Variants in DBNDD1 observed in about 807,000 individuals in gnomAD.
DBNDD1 encodes dysbindin domain-containing protein 1.
In DBNDD1, 14 loss-of-function variants were observed where a neutral mutation model predicts 17.0. That is an observed-to-expected ratio of 0.82 (90% confidence interval 0.54 to 1.29). DBNDD1 has a LOEUF of 1.29. DBNDD1 is among the 50% of genes most tolerant of loss of function. The pLI is 0.00. For missense variants in DBNDD1, 221 were observed against 216.2 expected, an observed-to-expected ratio of 1.02 and a Z score of -0.14; for synonymous variants, 105 against 102.0, an observed-to-expected ratio of 1.03 and a Z score of -0.18.
intron 1 of DBNDD1, among the ~76,000 whole-genome samples, chr16:90,016,862 T>C (rs1567836704): frequency 1.3e-5 from 2 of 152,198 alleles, no homozygotes; most frequent in Non-Finnish European, 2.9e-5. Context: ...ATGAATATCA[T>C]AAAACTAAAT....
chr16:90,011,665 G>C (rs1047868552), intron 1 of DBNDD1: 9 of 455,082 alleles, frequency 2.0e-5, no homozygotes, highest in Admixed American at 1.9e-4. Flanking sequence ...CGGGGCTCTC[G>C]CGGAATCTGG....
chr16:90,011,694 C>T (rs1379239336), intron 1 of DBNDD1: 1 of 455,148 alleles, frequency 2.2e-6, no homozygotes, highest in African/African-American at 2.0e-5. Flanking sequence ...TTTCCACTGG[C>T]ATCTGGAATG....
intron 1 of DBNDD1, among the ~76,000 whole-genome samples, chr16:90,018,390 A>G (rs2035683685): frequency 6.6e-6 from 1 of 152,220 alleles, no homozygotes; most frequent in Non-Finnish European, 1.5e-5. Flanking sequence ...CGGGCTCCAG[A>G]GGATGCCACT....
intron 1 of DBNDD1, among the ~76,000 whole-genome samples, chr16:90,011,432 G>A (rs1055215679): frequency 6.6e-6 from 1 of 152,268 alleles, no homozygotes; most frequent in Admixed American, 6.5e-5. Context: ...AGGGCTGGGA[G>A]GTCCCCAGTG....
upstream of DBNDD1, chr16:90,019,638 C>G (rs1272212954): frequency 2.4e-6 from 1 of 424,352 alleles, no homozygotes; most frequent in Non-Finnish European, 4.1e-6. This position sits in a 1 kb window ranked among gnomAD's most constrained non-coding sequence, Gnocchi z 6.1. Context: ...CGACCCTTCC[C>G]TCGCGGGCCG....
At chr16:90,015,071 G>T (rs1311762720) in intron 1 of DBNDD1, among the ~76,000 whole-genome samples, 2 of 151,638 alleles carry the variant, frequency 1.3e-5, no homozygotes, top group African/African-American at 4.8e-5. Flanking sequence ...ATCTGTAGCT[G>T]ATGGTGTCAG....
chr16:90,010,004 C>A (rs2035520375), intron 1 of DBNDD1: 1 of 1,614,200 alleles, frequency 6.2e-7, no homozygotes, highest in South Asian at 1.1e-5. Flanking sequence ...TAGCCACCAA[C>A]CATGCCTCAC....
In DBNDD1 at chr16:90,005,423, C is replaced by G. The variant is rs1465669483; in HGVS notation, c.*912G>C. ...GAGCAGGGCCTGTCAGCCTCCTCTG[C>G]TGCTCCTGGACAGAGACCCACGGGG... On this transcript the variant is annotated 3_prime_UTR_variant, in exon 4 of 4. Transcript: ENST00000002501. 2 of 152,228 alleles carry G rather than the reference C, an allele frequency of 1.3e-5. No homozygotes were observed. The highest frequency in any genetic ancestry group is 4.8e-5 in the African/African-American group (2 of 41,440). The allele number at this position is 152,228 out of a possible 1,614,324, so 9.4% of individuals were successfully genotyped here.
At position 90,006,365 on chromosome 16, in the gene DBNDD1, A is replaced by T. The variant is rs1373956564; in HGVS notation, c.447T>A (p.Phe149Leu). 1 of 1,609,344 alleles carries T rather than the reference A, an allele frequency of 6.2e-7. No individual in the cohort carries two copies. The highest frequency in any genetic ancestry group is 1.1e-5 in the South Asian group (1 of 90,650). ...CCTCCTGGGGCCTCTCCACAGTGAG[A>T]AACGTGTCCAGGACTGTGGCCTGCC... ...PERQATVLDT[F>L]LTVERPQED is the part of the protein sequence containing the mutation. Residue 149 changes from phenylalanine (F) to leucine (L), a missense_variant, in exon 4 of 4, where the codon TTT (phenylalanine) becomes TTA (leucine). Phe to Leu is a conservative substitution (Grantham distance 22). Transcript: ENST00000002501.
intron 1 of DBNDD1, among the ~76,000 whole-genome samples, chr16:90,014,835 G>A (rs1223183290): frequency 5.9e-5 from 9 of 151,936 alleles, no homozygotes; most frequent in Admixed American, 3.3e-4. Context: ...GCGAAACCCC[G>A]TCTCTACTAA....
At chr16:90,016,080 A>G (rs2035636808) in intron 1 of DBNDD1, among the ~76,000 whole-genome samples, 1 of 152,214 alleles carries the variant, frequency 6.6e-6, no homozygotes, top group African/African-American at 2.4e-5. Context: ...CCGGGAGGAA[A>G]TGACAGAGAC....
At chr16:90,006,558 A>G (rs1398857879) in intron 3 of DBNDD1, 66 bp from the exon 4 acceptor site, 1 of 1,546,554 alleles carries the variant, frequency 6.5e-7, no homozygotes, top group Non-Finnish European at 8.7e-7. Flanking sequence ...GCGGAGCTCC[A>G]GGTGCCGCCG....
At chr16:90,009,219 G>T in intron 2 of DBNDD1, 65 bp downstream of exon 2, 1 of 1,597,494 alleles carries the variant, frequency 6.3e-7, no homozygotes, top group Non-Finnish European at 8.5e-7. Flanking sequence ...GGACCCTGCT[G>T]CCTTGTCTCT....
rs2035727172 is a variant in DBNDD1, at chr16:90,019,418, G to A, written c.-77C>T. 1.0e-6 allele frequency: 1 copy of A among 953,336 alleles called. No individual in the cohort carries two copies. Among genetic ancestry groups the A allele is most frequent in the South Asian group, 5.1e-5 (1 of 19,418 alleles). 59.1% of individuals were successfully genotyped at this position (953,336 alleles called of 1,614,324 possible). ...CGGGCGCCCCAACAGCTGCGGCAGC[G>A]ACTCGGCCCCGGCTCCGGGCGCAGC... On this transcript the variant is annotated 5_prime_UTR_variant, in exon 1 of 4. Coordinates refer to ENST00000002501, the MANE Select transcript of DBNDD1 (RefSeq NM_001042610.3). This position sits in a 1 kb window ranked among gnomAD's most constrained non-coding sequence, Gnocchi z 6.1.
chr16:90,009,264 G>T lies in DBNDD1; in HGVS notation c.178+20C>A. 1 of 1,611,872 alleles carries T rather than the reference G, an allele frequency of 6.2e-7. No homozygotes were observed. Among genetic ancestry groups the T allele is most frequent in the Non-Finnish European group, 8.5e-7 (1 of 1,179,638 alleles). On this transcript the variant is annotated intron_variant, in intron 2 of 3. Coordinates refer to ENST00000002501, the MANE Select transcript of DBNDD1 (RefSeq NM_001042610.3). ...TCACGGGGTCCCCATAGCGTGCGCT[G>T]GGCAGGGAGCAGTACTTACGCCTCC...
intron 3 of DBNDD1, 92 bp from the exon 4 acceptor site, chr16:90,006,584 C>G: frequency 1.4e-6 from 2 of 1,466,178 alleles, no homozygotes; most frequent in Non-Finnish European, 1.8e-6. Context: ...CTGCGCCACT[C>G]CTGCCAATGC....
At chr16:90,013,068 G>A (rs2035582370) in intron 1 of DBNDD1, among the ~76,000 whole-genome samples, 1 of 151,548 alleles carries the variant, frequency 6.6e-6, no homozygotes. Context: ...GAGAATCTCT[G>A]GGGACAGCAC....
intron 1 of DBNDD1, chr16:90,009,796 A>G (rs776384609): frequency 1.3e-6 from 1 of 765,042 alleles, no homozygotes; most frequent in Non-Finnish European, 2.1e-6. Context: ...AGCTCGGCCC[A>G]GGGTCCCCTG....
chr16:90,006,358 C>T lies in DBNDD1; in HGVS notation c.454G>A (p.Val152Met). 6.2e-7 allele frequency: 1 copy of T among 1,609,212 alleles called. No homozygotes were observed. The highest frequency in any genetic ancestry group is 8.5e-7 in the Non-Finnish European group (1 of 1,179,318). Reference protein sequence around the residue: ...QATVLDTFLTVERPQED With the variant: ...QATVLDTFLTMERPQED The stretch of plus-strand genomic sequence containing the variant: ...GTCTAGTCCTCCTGGGGCCTCTCCA[C>T]AGTGAGAAACGTGTCCAGGACTGTG... The change falls in exon 4 of 4, where the codon GTG becomes ATG. Residue 152 changes from valine to methionine, a missense_variant. Physicochemically the swap from Val to Met is conservative, Grantham distance 21. Coordinates refer to ENST00000002501, the MANE Select transcript of DBNDD1 (RefSeq NM_001042610.3).
Sources: gnomAD v4.1 joint callset for allele counts (sites outside exome capture counted in the v4.1 genomes callset) on GRCh38, gnomAD v4.1.1 for gene constraint, Gnocchi (gnomAD v3.1) non-coding constraint, MANE v1.5 for transcripts, NCBI Gene and HGNC (gene_info 2026-07-23, HGNC 2026-07-21) for gene names.